ANK3: variants seen among roughly 807,000 people sequenced by gnomAD.
ANK3 encodes ankyrin-3.
A neutral mutation model predicts 370.9 loss-of-function variants in ANK3; 57 were observed. That is an observed-to-expected ratio of 0.15 (90% confidence interval 0.12 to 0.19). ANK3 has a LOEUF of 0.19. Ranked by LOEUF, ANK3 falls within the 10% of genes least tolerant of loss-of-function variation. The probability of loss-of-function intolerance (pLI) is 1.00; values close to 1 mark genes in which losing one functional copy is unlikely to be tolerated. For synonymous variants in ANK3, 1,929 were observed against 1,946.3 expected, an observed-to-expected ratio of 0.99 and a Z score of 0.23; for missense variants, 4,439 against 5,302.1, an observed-to-expected ratio of 0.84 and a Z score of 5.06.
intron 2 of ANK3, among the ~76,000 whole-genome samples, chr10:60,415,117 A>G (rs1445835094): frequency 6.6e-6 from 1 of 152,134 alleles, no homozygotes; most frequent in African/African-American, 2.4e-5. Flanking sequence ...TCAGCTGCCT[A>G]CAATTCCGTG....
intron 2 of ANK3, among the ~76,000 whole-genome samples, chr10:60,569,787 T>C (rs1314093213): frequency 1.3e-5 from 2 of 151,678 alleles, no homozygotes; most frequent in African/African-American, 2.4e-5. Context: ...TTAAGATAGA[T>C]TTTTTTTATG....
At chr10:60,049,461 C>T (rs535313967) in intron 42 of ANK3, among the ~76,000 whole-genome samples, 8 of 152,196 alleles carry the variant, frequency 5.3e-5, no homozygotes, top group Admixed American at 5.2e-4. Flanking sequence ...GTGTCGCACG[C>T]CTGTAGTCTC....
intron 28 of ANK3, among the ~76,000 whole-genome samples, chr10:60,104,226 G>C (rs189323592): frequency 1.2e-3 from 181 of 151,470 alleles, no homozygotes; most frequent in African/African-American, 4.3e-3. Flanking sequence ...GTTTGAGTTT[G>C]GCACTCAATC....
intron 2 of ANK3, among the ~76,000 whole-genome samples, chr10:60,482,317 G>C (rs545814650): frequency 1.8e-4 from 28 of 152,204 alleles, no homozygotes; most frequent in Middle Eastern, 6.8e-3. Context: ...TAAGTAAATT[G>C]CCTGAGAGCA....
At chr10:60,402,925 A>C (rs566472936) in intron 2 of ANK3, among the ~76,000 whole-genome samples, 17 of 152,202 alleles carry the variant, frequency 1.1e-4, no homozygotes, top group Non-Finnish European at 2.1e-4. Flanking sequence ...TAAACCACTA[A>C]GTTTGGGGTG....
At chr10:60,392,117 C>G (rs1289013162), upstream of ANK3, among the ~76,000 whole-genome samples, 2 of 152,170 alleles carry the variant, frequency 1.3e-5, no homozygotes, top group African/African-American at 4.8e-5. Context: ...ACACAGCAGA[C>G]ATCCTGACAA....
At chr10:60,355,778 C>T (rs1436860819) in intron 1 of ANK3, among the ~76,000 whole-genome samples, 3 of 152,166 alleles carry the variant, frequency 2.0e-5, no homozygotes, top group Non-Finnish European at 4.4e-5. Context: ...ATTAGTCAGT[C>T]GTATTTTGCC....
At chr10:60,160,233 G>C (rs1002143776) in intron 23 of ANK3, among the ~76,000 whole-genome samples, 1 of 151,964 alleles carries the variant, frequency 6.6e-6, no homozygotes, top group African/African-American at 2.4e-5. Context: ...ACAACTGATA[G>C]TGCAAAAATT....
intron 8 of ANK3, among the ~76,000 whole-genome samples, chr10:60,226,784 T>C (rs944495464): frequency 3.4e-5 from 5 of 146,560 alleles, no homozygotes; most frequent in South Asian, 2.1e-4. Flanking sequence ...TGAATTAATA[T>C]ACCACTTTAT....
In ANK3 at chr10:60,270,156, C is replaced by A; in HGVS notation, c.488G>T (p.Gly163Val). 6.3e-7 allele frequency: 1 copy of A among 1,597,806 alleles called. No individual in the cohort carries two copies. Among genetic ancestry groups the A allele is most frequent in the Non-Finnish European group, 8.5e-7 (1 of 1,170,448 alleles). The change falls in exon 5 of 44, where the codon GGT becomes GTT. Residue 163 changes from glycine to valine, a missense_variant. This residue lies in a region of ANK3 where 136 missense variants were observed against 230.5 expected (regional missense o/e 0.59). Transcript: ENST00000280772. ...LEVVKFLLDN[G>V]ASQSLATEDG... The stretch of plus-strand genomic sequence containing the variant: ...CTCTGTGGCTAGGCTCTGGCTTGCA[C>A]CATTGTCAAGAAGAAACTTGACAAC...
intron 1 of ANK3, among the ~76,000 whole-genome samples, chr10:60,296,586 C>T (rs1302751070): frequency 1.3e-5 from 2 of 152,192 alleles, no homozygotes; most frequent in Admixed American, 1.3e-4. Context: ...CTGTACCCTT[C>T]AAAGATGAAG....
intron 8 of ANK3, among the ~76,000 whole-genome samples, chr10:60,215,319 T>G (rs2096920252): frequency 6.6e-6 from 1 of 152,182 alleles, no homozygotes; most frequent in Admixed American, 6.5e-5. Context: ...GCCTGTTCAC[T>G]CTAATGATAG....
At chr10:60,379,870 C>T (rs2061324998) in intron 1 of ANK3, among the ~76,000 whole-genome samples, 2 of 151,800 alleles carry the variant, frequency 1.3e-5, no homozygotes, top group South Asian at 4.2e-4. Context: ...TCGAACATGT[C>T]CAACACACAA....
At chr10:60,547,254 C>A (rs1426460470) in intron 2 of ANK3, among the ~76,000 whole-genome samples, 1 of 151,792 alleles carries the variant, frequency 6.6e-6, no homozygotes, top group African/African-American at 2.4e-5. Context: ...CTATGGCTAG[C>A]TAATTTTTTT....
At chr10:60,596,192 A>T (rs375416520) in intron 2 of ANK3, among the ~76,000 whole-genome samples, 49 of 152,300 alleles carry the variant, frequency 3.2e-4, no homozygotes, top group African/African-American at 1.2e-3. Context: ...AGTTTTGCAC[A>T]TGTGAATTTG....
chr10:60,668,413 A>G (rs1293304032), intron 1 of ANK3, among the ~76,000 whole-genome samples: 1 of 151,498 alleles, frequency 6.6e-6, no homozygotes, highest in African/African-American at 2.5e-5. Context: ...ACAGCAATCC[A>G]CAGAGGCCAT....
At chr10:60,622,602 T>C (rs2078352947) in intron 1 of ANK3, among the ~76,000 whole-genome samples, 1 of 152,162 alleles carries the variant, frequency 6.6e-6, no homozygotes, top group African/African-American at 2.4e-5. Context: ...TGTTGTCTTG[T>C]TTACCACTGT....
At chr10:60,383,563 A>G (rs554758567) in intron 1 of ANK3, among the ~76,000 whole-genome samples, 1 of 152,290 alleles carries the variant, frequency 6.6e-6, no homozygotes, top group East Asian at 1.9e-4. Flanking sequence ...GTTTGGTTGT[A>G]GTAGATAATT....
rs1410323817 is a variant in ANK3, at chr10:60,069,200, T to G, written c.11681A>C (p.Gln3894Pro). 6.2e-7 allele frequency: 1 copy of G among 1,614,056 alleles called. No homozygotes were observed. The highest frequency in any genetic ancestry group is 8.5e-7 in the Non-Finnish European group (1 of 1,180,028). ...TKASKMKQVS[Q>P]SEKTKALTTS... ...AGTAAGGGCTTTGGTTTTCTCGGAT[T>G]GACTAACCTGCTTCATTTTACTTGC... Residue 3894 changes from glutamine (Q) to proline (P), a missense_variant, in exon 37 of 44, where the codon CAA (glutamine) becomes CCA (proline). Physicochemically the swap from Gln to Pro is moderately conservative, Grantham distance 76. Coordinates refer to ENST00000280772, the MANE Select transcript of ANK3 (RefSeq NM_020987.5).
Sources: allele counts gnomAD v4.1 joint callset (sites outside exome capture counted in the v4.1 genomes callset), GRCh38; gene constraint gnomAD v4.1.1; regional missense constraint gnomAD v4.1.1; transcripts MANE v1.5; gene names NCBI Gene and HGNC (gene_info 2026-07-23, HGNC 2026-07-21).